Variants in VPS13A observed in about 807,000 individuals in gnomAD.
VPS13A encodes vacuolar protein sorting 13 homolog A, also known as intermembrane lipid transfer protein VPS13A.
VPS13A carries 264 observed loss-of-function variants against 390.9 expected under a neutral mutation model. The observed-to-expected ratio is 0.68, with a 90% CI of 0.61 to 0.75. The LOEUF is 0.75. Ranked by LOEUF, VPS13A falls within the 30% of genes least tolerant of loss-of-function variation. The probability of loss-of-function intolerance (pLI) is 0.00; values close to 1 mark genes in which losing one functional copy is unlikely to be tolerated. For missense variants in VPS13A, 3,409 were observed against 3,733.9 expected, an observed-to-expected ratio of 0.91 and a Z score of 2.27; for synonymous variants, 1,231 against 1,227.1, an observed-to-expected ratio of 1.00 and a Z score of -0.07.
chr9:77,317,103 T>C (rs922906708), intron 39 of VPS13A, among the ~76,000 whole-genome samples: 1 of 151,994 alleles, frequency 6.6e-6, no homozygotes, highest in Non-Finnish European at 1.5e-5. Flanking sequence ...TTCTAAACAT[T>C]GTCACCATAG....
intron 67 of VPS13A, 71 bp downstream of exon 67, chr9:77,371,220 T>C (rs991189617): frequency 6.2e-7 from 1 of 1,600,250 alleles, no homozygotes. Context: ...ATCTGCTCTT[T>C]GGCTTCAGGC....
At chr9:77,393,179 A>G (rs1383825340) in intron 68 of VPS13A, among the ~76,000 whole-genome samples, 1 of 152,178 alleles carries the variant, frequency 6.6e-6, no homozygotes, top group Non-Finnish European at 1.5e-5. Flanking sequence ...TGGAGAAACC[A>G]TTTTCTTTGC....
At chr9:77,401,328 G>C (rs530578393) in intron 68 of VPS13A, among the ~76,000 whole-genome samples, 1,419 of 95,216 alleles carry the variant, frequency 0.015, 19 homozygotes, top group Admixed American at 0.038. Flanking sequence ...ATCACATGAA[G>C]TTGTGTGTGT....
At chr9:77,359,229 TATTTAG>T in intron 57 of VPS13A, 98 bp from the exon 58 acceptor site, 2 of 930,296 alleles carry the variant, frequency 2.1e-6, no homozygotes, top group South Asian at 3.0e-5. Flanking sequence ...TGATATTTAT[TATTTAG>T]TAAATGATTT....
intron 68 of VPS13A, chr9:77,383,135 T>A: frequency 1.3e-6 from 1 of 741,582 alleles, no homozygotes. Context: ...AGTAAAGATT[T>A]AAACTTCAGT....
chr9:77,226,024 T>A (rs1358998067), intron 14 of VPS13A, 36 bp downstream of exon 14: 1 of 1,538,340 alleles, frequency 6.5e-7, no homozygotes, highest in Non-Finnish European at 9.0e-7. Flanking sequence ...AAAATAATTC[T>A]GAATTCCATA....
chr9:77,180,436 T>C (rs1823938210), intron 1 of VPS13A, among the ~76,000 whole-genome samples: 1 of 152,242 alleles, frequency 6.6e-6, no homozygotes, highest in Non-Finnish European at 1.5e-5. Context: ...GCATACATTT[T>C]TGATTTTGGG....
At chr9:77,201,294 A>G (rs1825316835) in intron 2 of VPS13A, 71 bp from the exon 3 acceptor site, 2 of 1,048,872 alleles carry the variant, frequency 1.9e-6, no homozygotes, top group Admixed American at 3.9e-5. Context: ...TTTGGAAGTA[A>G]AGAGTATTCA....
chr9:77,342,336 C>T (rs940456273), intron 50 of VPS13A, among the ~76,000 whole-genome samples: 1 of 151,914 alleles, frequency 6.6e-6, no homozygotes, highest in African/African-American at 2.4e-5. Flanking sequence ...TCAAGTGCCA[C>T]CATGATGCCA....
intron 17 of VPS13A, among the ~76,000 whole-genome samples, chr9:77,234,088 G>GT (rs1823993777): frequency 6.6e-6 from 1 of 152,050 alleles, no homozygotes; most frequent in African/African-American, 2.4e-5. Flanking sequence ...TATAATTGTT[G>GT]TATCTTTGAT....
chr9:77,355,661 C>G (rs542678756), intron 54 of VPS13A, among the ~76,000 whole-genome samples: 1 of 152,298 alleles, frequency 6.6e-6, no homozygotes, highest in South Asian at 2.1e-4. Context: ...TTTATTTCCT[C>G]CTTCTACCAA....
intron 47 of VPS13A, chr9:77,338,691 A>C (rs1475821846): frequency 6.6e-6 from 1 of 152,210 alleles, no homozygotes; most frequent in Admixed American, 6.5e-5. Context: ...CTTTTGCTTT[A>C]ATTAATTTAA....
At chr9:77,290,368 A>G (rs1488146122) in intron 31 of VPS13A, among the ~76,000 whole-genome samples, 1 of 152,190 alleles carries the variant, frequency 6.6e-6, no homozygotes, top group Non-Finnish European at 1.5e-5. Flanking sequence ...TGGTGTGACT[A>G]GATGAGTTTA....
At chr9:77,275,422 C>A in intron 24 of VPS13A, 76 bp from the exon 25 acceptor site, 1 of 1,381,830 alleles carries the variant, frequency 7.2e-7, no homozygotes, top group South Asian at 1.2e-5. Context: ...TTTTAGTGTT[C>A]ATATTTATTT....
At chr9:77,384,168 A>G (rs1358921735) in intron 68 of VPS13A, among the ~76,000 whole-genome samples, 1 of 151,592 alleles carries the variant, frequency 6.6e-6, no homozygotes, top group Non-Finnish European at 1.5e-5. Context: ...TTATTTTCTT[A>G]TTTTCTAAAA....
At chr9:77,293,971 G>A (rs1827827522) in intron 32 of VPS13A, among the ~76,000 whole-genome samples, 1 of 151,976 alleles carries the variant, frequency 6.6e-6, no homozygotes, top group Admixed American at 6.6e-5. Context: ...TGGCATGATC[G>A]TAGCTCATTG....
intron 6 of VPS13A, 55 bp from the exon 7 acceptor site, chr9:77,210,561 G>A (rs1564633034): frequency 6.4e-7 from 1 of 1,554,092 alleles, no homozygotes; most frequent in South Asian, 1.1e-5. Context: ...TCTATAAAGT[G>A]GATTTTATCC....
chr9:77,190,873 A>G (rs973942799), intron 1 of VPS13A, among the ~76,000 whole-genome samples: 3 of 152,132 alleles, frequency 2.0e-5, no homozygotes, highest in South Asian at 2.1e-4. Flanking sequence ...GATGTTCATA[A>G]TAGCCTCTAA....
At chr9:77,377,009 C>T (rs542731664) in intron 67 of VPS13A, among the ~76,000 whole-genome samples, 1 of 152,256 alleles carries the variant, frequency 6.6e-6, no homozygotes, top group African/African-American at 2.4e-5. Flanking sequence ...GATTTTGATG[C>T]AGATGGCATT....
Sources: gnomAD v4.1 joint callset for allele counts (sites outside exome capture counted in the v4.1 genomes callset) on GRCh38, gnomAD v4.1.1 for gene constraint, MANE v1.5 for transcripts, NCBI Gene and HGNC (gene_info 2026-07-23, HGNC 2026-07-21) for gene names.